Variants in MTOR observed in about 807,000 individuals in gnomAD.
The protein encoded by MTOR is serine/threonine-protein kinase mTOR.
In MTOR, 70 loss-of-function variants were observed where a neutral mutation model predicts 319.8. The ratio of observed to expected loss-of-function variants is 0.22; its 90% CI spans 0.18 to 0.27. MTOR has a LOEUF of 0.27. Ranked by LOEUF, MTOR falls within the 10% of genes least tolerant of loss-of-function variation. The pLI is 1.00. For synonymous variants in MTOR, 1,183 were observed against 1,211.4 expected (o/e 0.98, Z 0.49); for missense variants, 1,890 against 3,274.4 (o/e 0.58, Z 10.32).
intron 25 of MTOR, among the ~76,000 whole-genome samples, chr1:11,207,988 T>C (rs1646193677): frequency 6.6e-6 from 1 of 152,182 alleles, no homozygotes; most frequent in South Asian, 2.1e-4. Context: ...ACTAGATTAC[T>C]GAGGAATTTC....
rs185601957 is a variant in MTOR, at chr1:11,175,604, G to T, written c.4254-8087C>A. On this transcript the variant is annotated intron_variant, in intron 28 of 57. Transcript: ENST00000361445. ...CTTGTTCCCAAGGCAGGGCAAGCAT[G>T]CGAGCTGAGCAGCGGGTGGTTCAGC... Among the ~76,000 whole-genome samples the T allele has an allele frequency of 3.5e-3, 533 of 152,344 alleles. 6 individuals are homozygous for T. Among genetic ancestry groups the T allele is most frequent in the African/African-American group, 0.012 (504 of 41,578 alleles).
At chr1:11,162,346 T>C (rs1197796414) in intron 29 of MTOR, among the ~76,000 whole-genome samples, 2 of 152,168 alleles carry the variant, frequency 1.3e-5, no homozygotes, top group Non-Finnish European at 1.5e-5. Context: ...TAGAACCAAG[T>C]TGGAAAACAC....
intron 20 of MTOR, among the ~76,000 whole-genome samples, chr1:11,215,782 C>G (rs796121334): frequency 1.9e-4 from 29 of 152,254 alleles, no homozygotes; most frequent in African/African-American, 6.5e-4. Context: ...CTAAGAAAAC[C>G]CAATCCCTTC....
chr1:11,154,168 A>AAAC (rs374971011), intron 30 of MTOR, among the ~76,000 whole-genome samples: 4,572 of 149,096 alleles, frequency 0.031, 97 homozygotes, highest in East Asian at 0.06. Flanking sequence ...GGACTGAGAA[A>AAAC]AACAACAACA....
intron 19 of MTOR, 37 bp downstream of exon 19, chr1:11,228,631 G>A (rs1557450905): frequency 1.9e-6 from 3 of 1,604,548 alleles, no homozygotes; most frequent in South Asian, 1.1e-5. Flanking sequence ...GTGTGGTGCA[G>A]AGGAGAAAGA....
At chr1:11,148,853 G>A (rs986970448) in intron 31 of MTOR, among the ~76,000 whole-genome samples, 2 of 151,916 alleles carry the variant, frequency 1.3e-5, no homozygotes, top group Admixed American at 6.6e-5. Flanking sequence ...AGCCGAGATC[G>A]TGCCACTGCA....
chr1:11,238,562 C>T lies in MTOR; in HGVS notation c.1842G>A (p.Glu614=), dbSNP rs1647519948. 6.2e-7 allele frequency: 1 copy of T among 1,614,198 alleles called. No individual in the cohort carries two copies. Among genetic ancestry groups the T allele is most frequent in the Non-Finnish European group, 8.5e-7 (1 of 1,180,040 alleles). ...CAGCCTCCATGCGGATCTCCTTGTG[C>T]TCACTGTTCAGGAAATGATCCGCAC... ...RHCADHFLNS[E]HKEIRMEAAR... is the part of the protein sequence containing the mutation. The change falls in exon 12 of 58, where the codon GAG becomes GAA. Residue 614 remains glutamate (E), a synonymous_variant. Transcript: ENST00000361445.
At chr1:11,216,309 GA>G in intron 19 of MTOR, 75 bp from the exon 20 acceptor site, 1 of 1,131,132 alleles carries the variant, frequency 8.8e-7, no homozygotes, top group South Asian at 1.3e-5. Flanking sequence ...AAGCTCATGT[GA>G]ACAAATAAAG....
chr1:11,209,233 A>G, intron 25 of MTOR, 79 bp downstream of exon 25: 3 of 1,557,020 alleles, frequency 1.9e-6, no homozygotes, highest in African/African-American at 1.4e-5. Context: ...TCGGTTGCCC[A>G]GTTTAAACAG....
chr1:11,169,376 G>C (rs17036427), intron 28 of MTOR, among the ~76,000 whole-genome samples: 8,994 of 152,274 alleles, frequency 0.059, 376 homozygotes, highest in South Asian at 0.12. Context: ...GAAAGGCAGG[G>C]ATTTTCCCCA....
chr1:11,106,722 T>C lies in MTOR; in HGVS notation c.*763A>G. The C allele has an allele frequency of 8.4e-7, 1 of 1,195,816 alleles. No homozygotes were observed. The highest frequency in any genetic ancestry group is 2.2e-5 in the South Asian group (1 of 45,710). 74.1% of individuals were successfully genotyped at this position (1,195,816 alleles called of 1,614,324 possible). A position where few individuals can be genotyped will look rare whatever the true frequency, so the allele number is the denominator to read the frequency against. The stretch of plus-strand genomic sequence containing the variant: ...GACAGTATTTCTGTTTTCTGAGCCC[T>C]TGCTCTAAACAGAGTATTTTGACCA... On this transcript the variant is annotated 3_prime_UTR_variant, in exon 58 of 58. Coordinates refer to ENST00000361445, the MANE Select transcript of MTOR (RefSeq NM_004958.4).
chr1:11,209,541 G>A (rs1646247065), intron 24 of MTOR, 83 bp from the exon 25 acceptor site: 3 of 1,521,964 alleles, frequency 2.0e-6, no homozygotes, highest in Admixed American at 3.7e-5. Context: ...TTTGGGAGGT[G>A]CAGACCTGGT....
intron 28 of MTOR, among the ~76,000 whole-genome samples, chr1:11,172,124 A>G (rs1169037505): frequency 6.6e-6 from 1 of 150,644 alleles, no homozygotes; most frequent in Non-Finnish European, 1.5e-5. Flanking sequence ...GGCTGCAGAC[A>G]GAGCTCAGTG....
chr1:11,106,563 G>A lies in MTOR; in HGVS notation c.*922C>T. On this transcript the variant is annotated 3_prime_UTR_variant, in exon 58 of 58. Coordinates refer to ENST00000361445, the MANE Select transcript of MTOR (RefSeq NM_004958.4). ...GTTTAAAATTCTGATGTCATTTATT[G>A]GCACAAAAATTATTCTGATACAACA... 1.9e-6 allele frequency: 2 copies of A among 1,068,526 alleles called. No individual in the cohort carries two copies. Among genetic ancestry groups the A allele is most frequent in the African/African-American group, 3.3e-5 (2 of 61,150 alleles). 66.2% of individuals were successfully genotyped at this position (1,068,526 alleles called of 1,614,324 possible).
rs927433168 is a variant in MTOR, at chr1:11,130,652, A to T, written c.5490T>A (p.Thr1830=). ...TGGCAGTGGCGGCCGTGGTGGCGGC[A>T]GTGGTGGCGTTGGTGATGTTGGCCC... The part of the protein sequence containing the change: ...ASGANITNAT[T]AATTAATATT... Residue 1830 remains threonine (T), a synonymous_variant, in exon 39 of 58, where the codon ACT becomes ACA. Coordinates refer to ENST00000361445, the MANE Select transcript of MTOR (RefSeq NM_004958.4). 6.2e-7 allele frequency: 1 copy of T among 1,611,048 alleles called. No homozygotes were observed. Among genetic ancestry groups the T allele is most frequent in the Non-Finnish European group, 8.5e-7 (1 of 1,178,076 alleles).
chr1:11,182,722 C>T (rs1189993070), intron 28 of MTOR, among the ~76,000 whole-genome samples: 1 of 152,190 alleles, frequency 6.6e-6, no homozygotes, highest in Non-Finnish European at 1.5e-5. Context: ...GGGTTGTTTG[C>T]TCAGTTTTTG....
intron 52 of MTOR, 58 bp from the exon 53 acceptor site, chr1:11,114,511 G>A (rs1004586985): frequency 3.1e-6 from 5 of 1,606,950 alleles, no homozygotes; most frequent in Non-Finnish European, 4.3e-6. Context: ...CCCAAAGCAA[G>A]CCGAGGGGGT....
At chr1:11,258,843 G>A (rs139705757) in intron 2 of MTOR, among the ~76,000 whole-genome samples, 157 of 152,226 alleles carry the variant, frequency 1.0e-3, no homozygotes, top group African/African-American at 3.8e-3. Context: ...GTTCTTTCTA[G>A]TACCAGGGAT....
rs377406262 is a variant in MTOR at position 11,130,553 on chromosome 1, C to T, written c.5589G>A (p.Ser1863=). The T allele has an allele frequency of 2.4e-5, 38 of 1,612,592 alleles. No individual in the cohort carries two copies. Among genetic ancestry groups the T allele is most frequent in the Admixed American group, 2.0e-4 (12 of 59,878 alleles). The change falls in exon 39 of 58, where the codon TCG becomes TCA. Residue 1863 remains serine (S), a synonymous_variant. Transcript: ENST00000361445. The part of the protein sequence containing the change: ...AESTENSPTP[S]PLQKKVTEDL... ...CCTCAGTGACCTTCTTCTGCAGCGG[C>T]GATGGGGTGGGGCTGTTCTCGGTGC...
Sources: allele counts gnomAD v4.1 joint callset (sites outside exome capture counted in the v4.1 genomes callset), GRCh38; gene constraint gnomAD v4.1.1; transcripts MANE v1.5; gene names NCBI Gene and HGNC (gene_info 2026-07-23, HGNC 2026-07-21).